Variants in ZNF214 observed in about 807,000 individuals in gnomAD.
ZNF214 encodes zinc finger protein 214, also known as BWSCR2-associated zinc finger protein 1.
A neutral mutation model predicts 53.9 loss-of-function variants in ZNF214; 43 were observed. The ratio of observed to expected loss-of-function variants is 0.80; its 90% CI spans 0.63 to 1.03. The LOEUF (loss-of-function observed/expected upper bound fraction) is 1.03, where lower values mean the gene tolerates loss of function less well. Ranked by LOEUF, ZNF214 falls within the 50% of genes least tolerant of loss-of-function variation. ZNF214 has a pLI of 0.00. For missense variants in ZNF214, 724 were observed against 719.1 expected (o/e 1.01, Z -0.08); for synonymous variants, 217 against 229.5 (o/e 0.95, Z 0.49).
rs566132965 is a variant in ZNF214, at chr11:7,007,927, A to G, written c.-20-5072T>C. Among the ~76,000 whole-genome samples the G allele has an allele frequency of 2.0e-5, 3 of 152,224 alleles. No individual in the cohort carries two copies. In the South Asian group the frequency reaches 6.2e-4, roughly 32 times the overall value. ...ATATAGAATACATTATCTAGCTACA[A>G]TGTAATAAAATTTGAAATTATTAAC... On this transcript the variant is annotated intron_variant, in intron 1 of 2. Coordinates refer to ENST00000278314, the MANE Select transcript of ZNF214 (RefSeq NM_013249.4).
At position 7,020,192 on chromosome 11, in the gene ZNF214, C is replaced by T. The variant is rs1445641375; in HGVS notation, c.-140G>A. 6.5e-6 allele frequency: 1 copy of T among 152,854 alleles called. No homozygotes were observed. The highest frequency in any genetic ancestry group is 1.5e-5 in the Non-Finnish European group (1 of 68,582). The allele number at this position is 152,854 out of a possible 1,614,324, so 9.5% of individuals were successfully genotyped here. A position where few individuals can be genotyped will look rare whatever the true frequency, so the allele number is the denominator to read the frequency against. On this transcript the variant is annotated 5_prime_UTR_variant, in exon 1 of 3. Transcript: ENST00000278314. ...GACCCTCGATTTTCTGCCCCTCTTC[C>T]TTCAAGCACAGCTCGTCTTGCCCTG...
chr11:7,000,885 T>G lies in ZNF214; in HGVS notation c.798A>C (p.Pro266=), dbSNP rs751236240. The change falls in exon 3 of 3, where the codon CCA becomes CCC. Residue 266 remains proline (P), a synonymous_variant. Transcript: ENST00000278314. ...ACAGCTTCTTACCTATGTGGTTTCTTGGATGTCTATACAAGTCTGATCTCT... is the reference window on the plus strand; with the variant it reads ...ACAGCTTCTTACCTATGTGGTTTCTGGGATGTCTATACAAGTCTGATCTCT... The part of the protein sequence containing the change: ...FSQRSDLYRH[P]RNHIGKKLYG... 26 of 1,613,220 alleles carry G rather than the reference T, an allele frequency of 1.6e-5. No individual in the cohort carries two copies. In the East Asian group the frequency reaches 5.1e-4, roughly 32 times the overall value.
intron 1 of ZNF214, among the ~76,000 whole-genome samples, chr11:7,004,743 G>GCCAACAGC (rs1037427980): frequency 2.0e-5 from 3 of 151,984 alleles, no homozygotes; most frequent in African/African-American, 7.2e-5. Context: ...GAGACATCTT[G>GCCAACAGC]CCAACAGCCA....
intron 1 of ZNF214, among the ~76,000 whole-genome samples, chr11:7,013,956 A>T (rs1301402455): frequency 6.6e-6 from 1 of 152,210 alleles, no homozygotes; most frequent in African/African-American, 2.4e-5. Context: ...AAAATTCAAC[A>T]TGCATCCTTC....
chr11:7,000,277 G>A lies in ZNF214; in HGVS notation c.1406C>T (p.Pro469Leu). 6.2e-7 allele frequency: 1 copy of A among 1,613,256 alleles called. No individual in the cohort carries two copies. Among genetic ancestry groups the A allele is most frequent in the Non-Finnish European group, 8.5e-7 (1 of 1,179,572 alleles). ...CTTCCCACATTCAGGACAAGTATAG[G>A]GTTTCTCCCCTGTATGGACTCTCTG... ...IHQRVHTGEK[P>L]YTCPECGKGF... is the part of the protein sequence containing the mutation. Residue 469 changes from proline (P) to leucine (L), a missense_variant, in exon 3 of 3, where the codon CCC becomes CTC. Coordinates refer to ENST00000278314, the MANE Select transcript of ZNF214 (RefSeq NM_013249.4).
chr11:7,014,804 C>CAAAAAAAAAAAAAAAAAAAAA (rs1280725156), intron 1 of ZNF214, among the ~76,000 whole-genome samples: 1 of 64,234 alleles, frequency 1.6e-5, no homozygotes, highest in Non-Finnish European at 3.5e-5. Context: ...CTGTCTCTAA[C>CAAAAAAAAAAAAAAAAAAAAA]AAAAAAAAAA....
At chr11:7,017,856 G>C (rs1851811326) in intron 1 of ZNF214, among the ~76,000 whole-genome samples, 1 of 151,978 alleles carries the variant, frequency 6.6e-6, no homozygotes. Context: ...TATATGTTAA[G>C]TGAAAAACGT....
intron 1 of ZNF214, among the ~76,000 whole-genome samples, chr11:7,009,475 G>A (rs1057296562): frequency 6.6e-6 from 1 of 152,024 alleles, no homozygotes; most frequent in Middle Eastern, 3.2e-3. Context: ...TAAAAACCCT[G>A]GAAGATAACC....
At chr11:7,010,024 G>T (rs1422167802) in intron 1 of ZNF214, among the ~76,000 whole-genome samples, 2 of 152,074 alleles carry the variant, frequency 1.3e-5, no homozygotes, top group Non-Finnish European at 2.9e-5. Flanking sequence ...ATTTCTCAAA[G>T]AACTTAAAAC....
rs1851250156 is a variant in ZNF214 at position 6,999,002 on chromosome 11, G to C, written c.*860C>G. ...TTCTGAGTTCAATGCTGTCCTTGCA[G>C]ATATTTCTCTATTACCACTCTGTTC... is the stretch of plus-strand genomic sequence containing the variant. On this transcript the variant is annotated 3_prime_UTR_variant, in exon 3 of 3. Coordinates refer to ENST00000278314, the MANE Select transcript of ZNF214 (RefSeq NM_013249.4). 6.6e-6 allele frequency among the ~76,000 whole-genome samples: 1 copy of C among 151,934 alleles called. No individual in the cohort carries two copies. The highest frequency in any genetic ancestry group is 2.4e-5 in the African/African-American group (1 of 41,400).
intron 1 of ZNF214, among the ~76,000 whole-genome samples, chr11:7,011,535 T>C (rs1317285772): frequency 6.6e-6 from 1 of 151,970 alleles, no homozygotes; most frequent in Admixed American, 6.6e-5. Context: ...ATAAACTCCC[T>C]AAAGTGGCAA....
chr11:7,015,299 C>T (rs1589846667), intron 1 of ZNF214, among the ~76,000 whole-genome samples: 2 of 151,956 alleles, frequency 1.3e-5, no homozygotes, highest in South Asian at 4.1e-4. Flanking sequence ...GGGTTGGGGT[C>T]GGGTGCGGTG....
At chr11:7,019,709 C>A (rs751353800) in intron 1 of ZNF214, 2 of 152,226 alleles carry the variant, frequency 1.3e-5, no homozygotes, top group Non-Finnish European at 2.9e-5. Context: ...TGAGCCTTTG[C>A]CACCCCAGTC....
chr11:7,013,270 C>A (rs1360994203), intron 1 of ZNF214, among the ~76,000 whole-genome samples: 1 of 152,174 alleles, frequency 6.6e-6, no homozygotes, highest in East Asian at 1.9e-4. Context: ...GACACAGACC[C>A]CACCTTTCAG....
chr11:6,998,807 G>C lies in ZNF214; in HGVS notation c.*1055C>G, dbSNP rs1851246157. On this transcript the variant is annotated 3_prime_UTR_variant, in exon 3 of 3. Coordinates refer to ENST00000278314, the MANE Select transcript of ZNF214 (RefSeq NM_013249.4). ...GGATGATATTCTTTTCTTCAGTATTGCAATTCCCTCTAATTTTCCTAAACA... is the reference window on the plus strand; with the variant it reads ...GGATGATATTCTTTTCTTCAGTATTCCAATTCCCTCTAATTTTCCTAAACA... Among the ~76,000 whole-genome samples the C allele has an allele frequency of 6.6e-6, 1 of 151,852 alleles. No homozygotes were observed. Among genetic ancestry groups the C allele is most frequent in the East Asian group, 1.9e-4 (1 of 5,182 alleles).
At chr11:7,003,684 T>C (rs778999373) in intron 1 of ZNF214, among the ~76,000 whole-genome samples, 5 of 151,960 alleles carry the variant, frequency 3.3e-5, no homozygotes, top group African/African-American at 4.8e-5. Flanking sequence ...GATTTCCATA[T>C]ACTGTCATAA....
chr11:7,000,521 A>G lies in ZNF214; in HGVS notation c.1162T>C (p.Cys388Arg). Residue 388 changes from cysteine to arginine, a missense_variant, in exon 3 of 3, where the codon TGT becomes CGT. Coordinates refer to ENST00000278314, the MANE Select transcript of ZNF214 (RefSeq NM_013249.4). Reference sequence around the variant, plus strand: ...CTGAAACCCTTACCACACTCATCACACTTATATGGTTTTTCTCCTGTGTGG... The same window carrying G: ...CTGAAACCCTTACCACACTCATCACGCTTATATGGTTTTTCTCCTGTGTGG... ...RVHTGEKPYK[C>R]DECGKGFSQS... is the part of the protein sequence containing the mutation. The G allele has an allele frequency of 6.2e-7, 1 of 1,612,430 alleles. No individual in the cohort carries two copies.
intron 1 of ZNF214, among the ~76,000 whole-genome samples, chr11:7,009,594 A>G (rs1481852009): frequency 6.6e-6 from 1 of 152,240 alleles, no homozygotes; most frequent in Non-Finnish European, 1.5e-5. Flanking sequence ...ATTAAACTAA[A>G]GAGCTTCTGC....
intron 1 of ZNF214, among the ~76,000 whole-genome samples, chr11:7,008,964 T>C (rs778668486): frequency 1.3e-5 from 2 of 152,156 alleles, no homozygotes; most frequent in Non-Finnish European, 2.9e-5. Flanking sequence ...AAACATTCTA[T>C]GCTTATGGAT....
Sources: gnomAD v4.1 joint callset for allele counts (sites outside exome capture counted in the v4.1 genomes callset) on GRCh38, gnomAD v4.1.1 for gene constraint, MANE v1.5 for transcripts, NCBI Gene and HGNC (gene_info 2026-07-23, HGNC 2026-07-21) for gene names.